Variants in CCSER1 observed in about 807,000 individuals in gnomAD.
The protein encoded by CCSER1 is serine-rich coiled-coil domain-containing protein 1.
CCSER1 carries 41 observed loss-of-function variants against 82.0 expected under a neutral mutation model. The ratio of observed to expected loss-of-function variants is 0.50; its 90% CI spans 0.39 to 0.65. CCSER1 has a LOEUF of 0.65. Ranked by LOEUF, CCSER1 falls within the 30% of genes least tolerant of loss-of-function variation. The pLI, the probability that CCSER1 is intolerant of heterozygous loss-of-function variation, is 0.00. For missense variants in CCSER1, 1,119 were observed against 1,064.2 expected (o/e 1.05, Z -0.72); for synonymous variants, 414 against 383.9 (o/e 1.08, Z -0.92).
chr4:91,246,486 A>C (rs1739785230), intron 10 of CCSER1, among the ~76,000 whole-genome samples: 2 of 152,072 alleles, frequency 1.3e-5, no homozygotes, highest in African/African-American at 4.8e-5. Flanking sequence ...GAGATTCCTC[A>C]AAAAAACTAA....
chr4:90,147,747 T>G (rs1726084205), intron 1 of CCSER1, among the ~76,000 whole-genome samples: 1 of 152,192 alleles, frequency 6.6e-6, no homozygotes, highest in African/African-American at 2.4e-5. Flanking sequence ...AGAAATGCCA[T>G]TATATTGGCT....
intron 9 of CCSER1, among the ~76,000 whole-genome samples, chr4:90,923,890 C>A (rs1364937467): frequency 1.3e-5 from 2 of 152,252 alleles, no homozygotes; most frequent in East Asian, 3.9e-4. Flanking sequence ...AATGTTTTAG[C>A]TCTTGGGCTT....
At chr4:90,150,394 C>T (rs906179608) in intron 1 of CCSER1, among the ~76,000 whole-genome samples, 7 of 152,002 alleles carry the variant, frequency 4.6e-5, no homozygotes, top group Admixed American at 2.0e-4. Context: ...GGGTTTCACA[C>T]ATTTGGTGAA....
intron 8 of CCSER1, among the ~76,000 whole-genome samples, chr4:90,872,245 T>A (rs1238987719): frequency 6.6e-6 from 1 of 151,674 alleles, no homozygotes; most frequent in Non-Finnish European, 1.5e-5. Flanking sequence ...TCCTTCCTTC[T>A]CCTTCCTTCC....
Position 90,369,931 on chromosome 4 carries a change from T to G in CCSER1, c.1510-30105T>G, listed in dbSNP as rs946672007. On this transcript the variant is annotated intron_variant, in intron 3 of 10. Transcript: ENST00000509176. Reference sequence around the variant, plus strand: ...TCAGTTTATTAGATGAAAATAAAATTCAAAGAATATAATAGTATTGTCTTT... The same window carrying G: ...TCAGTTTATTAGATGAAAATAAAATGCAAAGAATATAATAGTATTGTCTTT... Among the ~76,000 whole-genome samples the G allele has an allele frequency of 1.2e-4, 18 of 152,120 alleles. 1 individual carries two copies. The highest frequency in any genetic ancestry group is 3.8e-4 in the East Asian group (2 of 5,202).
At chr4:90,257,796 TCC>T (rs1723619292) in intron 1 of CCSER1, among the ~76,000 whole-genome samples, 1 of 152,076 alleles carries the variant, frequency 6.6e-6, no homozygotes, top group Admixed American at 6.6e-5. Context: ...ATATTGTAGC[TCC>T]CAGACAGTCA....
At chr4:91,214,728 G>T (rs56779309) in intron 10 of CCSER1, among the ~76,000 whole-genome samples, 1 of 152,098 alleles carries the variant, frequency 6.6e-6, no homozygotes, top group Non-Finnish European at 1.5e-5. Context: ...GTTTTTAAAA[G>T]AAAATGAGAC....
chr4:90,779,754 T>G (rs536243199), intron 7 of CCSER1, among the ~76,000 whole-genome samples: 1 of 152,334 alleles, frequency 6.6e-6, no homozygotes, highest in East Asian at 1.9e-4. Context: ...GACCCAATCC[T>G]GGCCAATGGA....
rs894353839 is a variant in CCSER1 at position 90,659,684 on chromosome 4, A to G, written c.1932+31452A>G. On this transcript the variant is annotated intron_variant, in intron 6 of 10. Coordinates refer to ENST00000509176, the MANE Select transcript of CCSER1 (RefSeq NM_001145065.2). ...ATTACCTAGATAGCCTTCTTTTCTT[A>G]GTAATTGCATTTCCATTATCACTCT... is the stretch of plus-strand genomic sequence containing the variant. Among the ~76,000 whole-genome samples, 9 of 152,242 alleles carry G rather than the reference A, an allele frequency of 5.9e-5. No homozygotes were observed. In the East Asian group the frequency reaches 9.6e-4, roughly 16 times the overall value.
At position 91,090,151 on chromosome 4, in the gene CCSER1, A is replaced by G. The variant is rs566297786; in HGVS notation, c.2217+4157A>G. Reference sequence around the variant, plus strand: ...TAATTCTTTCAGGGGGCCATTCATCATCTTTCCAGTTACCTATGGCTATGC... The same window carrying G: ...TAATTCTTTCAGGGGGCCATTCATCGTCTTTCCAGTTACCTATGGCTATGC... On this transcript the variant is annotated intron_variant, in intron 10 of 10. Coordinates refer to ENST00000509176, the MANE Select transcript of CCSER1 (RefSeq NM_001145065.2). 2.0e-5 allele frequency among the ~76,000 whole-genome samples: 3 copies of G among 152,320 alleles called. No homozygotes were observed. In the South Asian group the frequency reaches 6.2e-4, roughly 32 times the overall value.
chr4:91,588,096 T>C (rs1356759151), intron 10 of CCSER1, among the ~76,000 whole-genome samples: 1 of 150,576 alleles, frequency 6.6e-6, no homozygotes, highest in Non-Finnish European at 1.5e-5. Context: ...GCTTTGTTGA[T>C]TTTTTTTCTA....
intron 10 of CCSER1, among the ~76,000 whole-genome samples, chr4:91,484,263 A>G (rs1758105175): frequency 6.6e-6 from 1 of 152,160 alleles, no homozygotes; most frequent in Non-Finnish European, 1.5e-5. Context: ...ACCTTGAACT[A>G]CTGCTCACTC....
At chr4:90,562,069 A>G (rs1199810244) in intron 5 of CCSER1, among the ~76,000 whole-genome samples, 1 of 151,942 alleles carries the variant, frequency 6.6e-6, no homozygotes, top group African/African-American at 2.4e-5. Context: ...GAGTGCCTGT[A>G]ATACCAGCTA....
chr4:90,697,836 A>G (rs1005920780), intron 6 of CCSER1, among the ~76,000 whole-genome samples: 2 of 152,176 alleles, frequency 1.3e-5, no homozygotes, highest in African/African-American at 4.8e-5. Flanking sequence ...GAAGTGTAAT[A>G]TCCATAGGGA....
intron 10 of CCSER1, among the ~76,000 whole-genome samples, chr4:91,253,234 A>T (rs1740398943): frequency 6.6e-6 from 1 of 152,126 alleles, no homozygotes; most frequent in Non-Finnish European, 1.5e-5. Flanking sequence ...AGAGTGGTAA[A>T]TGTTTTCTCT....
chr4:90,303,163 C>T (rs1218136562), intron 1 of CCSER1, among the ~76,000 whole-genome samples: 1 of 152,100 alleles, frequency 6.6e-6, no homozygotes, highest in African/African-American at 2.4e-5. Context: ...CTTAAAGAAA[C>T]TAGGACAAAC....
At chr4:90,818,110 A>G (rs1257910102) in intron 8 of CCSER1, among the ~76,000 whole-genome samples, 1 of 152,148 alleles carries the variant, frequency 6.6e-6, no homozygotes, top group Non-Finnish European at 1.5e-5. Context: ...ATGAAATTAG[A>G]TGTAATTGTA....
chr4:90,845,589 G>A lies in CCSER1; in HGVS notation c.2094+29744G>A, dbSNP rs149355143. Among the ~76,000 whole-genome samples the A allele has an allele frequency of 4.6e-4, 70 of 152,226 alleles. 1 individual carries two copies. In the East Asian group the frequency reaches 0.011, roughly 24 times the overall value. The stretch of plus-strand genomic sequence containing the variant: ...CTATAGTGCCTGCTTGCATATGACA[G>A]AGGAACTGTGGTAGAGTAGTTATCA... On this transcript the variant is annotated intron_variant, in intron 8 of 10. Transcript: ENST00000509176.
chr4:90,918,016 A>C (rs188417838), intron 8 of CCSER1, among the ~76,000 whole-genome samples: 1 of 152,106 alleles, frequency 6.6e-6, no homozygotes, highest in Admixed American at 6.6e-5. Context: ...TACATTAAAA[A>C]AATCTTTTTC....
Sources: allele counts gnomAD v4.1 joint callset (sites outside exome capture counted in the v4.1 genomes callset), GRCh38; gene constraint gnomAD v4.1.1; transcripts MANE v1.5; gene names NCBI Gene and HGNC (gene_info 2026-07-23, HGNC 2026-07-21).